The following SUMF1 variants were observed in gnomAD, a reference collection of about 807,000 sequenced individuals.
The protein encoded by SUMF1 is formylglycine-generating enzyme.
In SUMF1, 48 loss-of-function variants were observed where a neutral mutation model predicts 47.6. The ratio of observed to expected loss-of-function variants is 1.01; its 90% CI spans 0.80 to 1.28. The LOEUF is 1.28. SUMF1 is among the 50% of genes most tolerant of loss of function. The pLI is 0.00. For synonymous variants in SUMF1, 230 were observed against 192.1 expected, an observed-to-expected ratio of 1.20 and a Z score of -1.63; for missense variants, 571 against 485.4, an observed-to-expected ratio of 1.18 and a Z score of -1.66.
chr3:4,065,961 C>T (rs1027332536), intron 9 of SUMF1, among the ~76,000 whole-genome samples: 22 of 152,238 alleles, frequency 1.4e-4, no homozygotes, highest in African/African-American at 4.6e-4. Flanking sequence ...ACTGCTCACC[C>T]GCTGTCTGAT....
At chr3:4,127,888 T>C (rs1387033692) in intron 8 of SUMF1, among the ~76,000 whole-genome samples, 2 of 152,130 alleles carry the variant, frequency 1.3e-5, no homozygotes, top group Non-Finnish European at 2.9e-5. Flanking sequence ...AGAACAGTGA[T>C]AGTCCTTGGC....
intron 8 of SUMF1, among the ~76,000 whole-genome samples, chr3:4,096,475 G>A (rs962370522): frequency 2.0e-5 from 3 of 152,110 alleles, no homozygotes; most frequent in African/African-American, 7.2e-5. Context: ...GAAATGGGCA[G>A]CTTTTGTAGG....
At chr3:4,310,503 G>C (rs1223035297) in intron 8 of SUMF1, among the ~76,000 whole-genome samples, 2 of 152,058 alleles carry the variant, frequency 1.3e-5, no homozygotes, top group African/African-American at 4.8e-5. Context: ...ATCCATCACG[G>C]GGAAAAAATT....
chr3:4,179,511 C>G (rs1253680733), intron 8 of SUMF1, among the ~76,000 whole-genome samples: 3 of 152,066 alleles, frequency 2.0e-5, no homozygotes, highest in Non-Finnish European at 4.4e-5. Context: ...GGATCCCTTC[C>G]TCACACCTTA....
At chr3:4,073,320 G>A (rs769867341) in intron 8 of SUMF1, among the ~76,000 whole-genome samples, 6 of 152,076 alleles carry the variant, frequency 3.9e-5, no homozygotes, top group Middle Eastern at 3.2e-3. Flanking sequence ...TGCCTTACAA[G>A]AGCTCCTAAA....
At chr3:4,417,844 T>C (rs2125034312) in intron 5 of SUMF1, among the ~76,000 whole-genome samples, 166 bp downstream of exon 5, 1 of 152,372 alleles carries the variant, frequency 6.6e-6, no homozygotes, top group Non-Finnish European at 1.5e-5. Flanking sequence ...AAAAGATTTG[T>C]GACCCATTCT....
At chr3:4,286,946 G>C (rs1187435966) in intron 8 of SUMF1, among the ~76,000 whole-genome samples, 1 of 151,952 alleles carries the variant, frequency 6.6e-6, no homozygotes, top group Non-Finnish European at 1.5e-5. Context: ...CTCAAAGTGT[G>C]GTCCAGGGAT....
intron 4 of SUMF1, among the ~76,000 whole-genome samples, chr3:4,419,148 T>C (rs555535972): frequency 6.7e-4 from 102 of 152,334 alleles, no homozygotes; most frequent in Non-Finnish European, 1.2e-3. Context: ...CTTCCTCCCT[T>C]AGCATTTTCC....
intron 8 of SUMF1, among the ~76,000 whole-genome samples, chr3:4,213,913 G>C (rs1437211379): frequency 1.3e-5 from 2 of 152,134 alleles, no homozygotes; most frequent in African/African-American, 4.8e-5. Flanking sequence ...CATAAAGCAA[G>C]TTCTTAGAGA....
At chr3:4,417,319 G>GTTCTCTTTTTCATTGC in intron 5 of SUMF1, 77 bp from the exon 6 acceptor site, 1 of 1,163,672 alleles carries the variant, frequency 8.6e-7, no homozygotes. Flanking sequence ...GGGATGCAAT[G>GTTCTCTTTTTCATTGC]AAAAAGAGAA....
At chr3:4,390,497 C>G (rs1056405160) in intron 7 of SUMF1, among the ~76,000 whole-genome samples, 2 of 152,136 alleles carry the variant, frequency 1.3e-5, no homozygotes, top group Non-Finnish European at 2.9e-5. Context: ...CTAGAGAGAA[C>G]AGGCTTTTGT....
intron 1 of SUMF1, among the ~76,000 whole-genome samples, chr3:4,455,361 G>T (rs924550243): frequency 2.0e-5 from 3 of 152,114 alleles, no homozygotes; most frequent in Non-Finnish European, 2.9e-5. Flanking sequence ...TACCCAGACT[G>T]AATCAAGAAA....
chr3:4,242,836 T>C (rs1474252639), intron 8 of SUMF1, among the ~76,000 whole-genome samples: 1 of 152,226 alleles, frequency 6.6e-6, no homozygotes, highest in Non-Finnish European at 1.5e-5. Context: ...TGGAATAGTT[T>C]TCTGAAAGAA....
intron 8 of SUMF1, among the ~76,000 whole-genome samples, chr3:4,351,228 C>A (rs2125155102): frequency 1.3e-5 from 2 of 152,262 alleles, no homozygotes. Context: ...GTCTCCCCAC[C>A]CTCCCTGCTC....
chr3:4,127,801 G>A (rs933830647), intron 8 of SUMF1, among the ~76,000 whole-genome samples: 3 of 152,104 alleles, frequency 2.0e-5, no homozygotes, highest in African/African-American at 7.2e-5. Context: ...TCTTTCATTG[G>A]TTTTGGGGTT....
intron 8 of SUMF1, among the ~76,000 whole-genome samples, chr3:4,164,729 G>T (rs1016673660): frequency 1.3e-5 from 2 of 152,040 alleles, no homozygotes; most frequent in Admixed American, 1.3e-4. Context: ...GAGGTTGCCA[G>T]GTTTAATAAT....
rs1463554422 is a variant in SUMF1, at chr3:4,316,014, T to C, written c.1014+60316A>G. ...GTGAGCCAAGACTGTACCACTGCAC[T>C]CCAGCTTGGGTGACAGAGCGAGACT... On this transcript the variant is annotated intron_variant and NMD_transcript_variant, in intron 8 of 12. Transcript: ENST00000448413. Among the ~76,000 whole-genome samples, 5 of 134,426 alleles carry C rather than the reference T, an allele frequency of 3.7e-5. No homozygotes were observed. The East Asian group carries it at 1.1e-3, about 29-fold the overall frequency. The allele number at this position is 134,426 out of a possible 152,430, so 88.2% of individuals were successfully genotyped here. A position where few individuals can be genotyped will look rare whatever the true frequency, so the allele number is the denominator to read the frequency against.
At chr3:4,304,879 G>C (rs902172565) in intron 8 of SUMF1, among the ~76,000 whole-genome samples, 1 of 151,318 alleles carries the variant, frequency 6.6e-6, no homozygotes, top group African/African-American at 2.4e-5. Context: ...GGCACAGCCT[G>C]GTTTTATACA....
At chr3:4,298,025 ATATTG>A (rs763644792) in intron 8 of SUMF1, among the ~76,000 whole-genome samples, 45 of 152,186 alleles carry the variant, frequency 3.0e-4, no homozygotes, top group South Asian at 1.0e-3. Flanking sequence ...GAGTTTTATT[ATATTG>A]TATTGTTTTC....
Sources: gnomAD v4.1 joint callset for allele counts (sites outside exome capture counted in the v4.1 genomes callset) on GRCh38, gnomAD v4.1.1 for gene constraint, MANE v1.5 for transcripts, NCBI Gene and HGNC (gene_info 2026-07-23, HGNC 2026-07-21) for gene names.